The following FRYL variants were observed in gnomAD, a reference collection of about 807,000 sequenced individuals.
FRYL encodes FRY like transcription coactivator, also known as protein furry homolog-like.
A neutral mutation model predicts 351.2 loss-of-function variants in FRYL; 150 were observed. The observed-to-expected ratio is 0.43, with a 90% CI of 0.37 to 0.49. The LOEUF (loss-of-function observed/expected upper bound fraction) is 0.49, where lower values mean the gene tolerates loss of function less well. FRYL is among the 20% of genes least tolerant of loss of function. The pLI is 0.00. For synonymous variants in FRYL, 1,153 were observed against 1,257.1 expected, an observed-to-expected ratio of 0.92 and a Z score of 1.75; for missense variants, 3,036 against 3,619.3, an observed-to-expected ratio of 0.84 and a Z score of 4.13.
rs1718723482 is a variant in FRYL, at chr4:48,497,670, C to G, written c.*1752G>C. The G allele has an allele frequency of 6.6e-6, 1 of 152,532 alleles. No homozygotes were observed. The highest frequency in any genetic ancestry group is 1.5e-5 in the Non-Finnish European group (1 of 68,004). 9.4% of individuals were successfully genotyped at this position (152,532 alleles called of 1,614,324 possible). A position where few individuals can be genotyped will look rare whatever the true frequency, so the allele number is the denominator to read the frequency against. ...TAAAGTGTGATGTATCTCTGGACAC[C>G]ATCCCTCTCTGCCTGCCCCACACCC... is the stretch of plus-strand genomic sequence containing the variant. On this transcript the variant is annotated 3_prime_UTR_variant, in exon 64 of 64. Coordinates refer to ENST00000358350, the MANE Select transcript of FRYL (RefSeq NM_015030.2).
rs369196824 is a variant in FRYL, at chr4:48,659,305, C to T, written c.-80-24815G>A. On this transcript the variant is annotated intron_variant, in intron 3 of 63. Transcript: ENST00000358350. ...GGCGGAGGTTGCAGGGAGCCAAGAT[C>T]GCATCACGGCACTCCAGTCACTGGG... Among the ~76,000 whole-genome samples, 31 of 149,600 alleles carry T rather than the reference C, an allele frequency of 2.1e-4. 1 individual carries two copies. In the East Asian group the frequency reaches 5.2e-3, roughly 25 times the overall value.
chr4:48,776,050 AAAAAG>A (rs1775980085), intron 1 of FRYL, among the ~76,000 whole-genome samples: 1 of 151,590 alleles, frequency 6.6e-6, no homozygotes, highest in Admixed American at 6.6e-5. Context: ...GGTTAAAAAA[AAAAAG>A]AAAAAGAAAA....
chr4:48,591,977 G>A (rs1359361846), intron 16 of FRYL, among the ~76,000 whole-genome samples: 1 of 126,856 alleles, frequency 7.9e-6, no homozygotes, highest in Non-Finnish European at 1.7e-5. Context: ...CCAAGCCCAA[G>A]CTGTCATTAT....
intron 36 of FRYL, 52 bp from the exon 37 acceptor site, chr4:48,551,630 C>T (rs1732766679): frequency 1.9e-6 from 2 of 1,076,690 alleles, no homozygotes; most frequent in African/African-American, 1.6e-5. Flanking sequence ...TGGAATAACC[C>T]AATAAGAACA....
intron 1 of FRYL, among the ~76,000 whole-genome samples, chr4:48,777,614 T>C (rs1303704693): frequency 6.6e-6 from 1 of 152,246 alleles, no homozygotes; most frequent in Non-Finnish European, 1.5e-5. Context: ...AAAGTCTTTT[T>C]CAGGAAATAC....
At chr4:48,643,804 G>C (rs1375789882) in intron 3 of FRYL, among the ~76,000 whole-genome samples, 8 of 152,036 alleles carry the variant, frequency 5.3e-5, no homozygotes, top group Admixed American at 5.2e-4. Context: ...TTCATACAGA[G>C]GAAAGGACAA....
In FRYL at chr4:48,780,066, G is replaced by C. The variant is rs1776514179; in HGVS notation, c.-384+12C>G. 6.6e-6 allele frequency: 1 copy of C among 152,334 alleles called. No individual in the cohort carries two copies. Among genetic ancestry groups the C allele is most frequent in the Non-Finnish European group, 1.5e-5 (1 of 68,076 alleles). The allele number at this position is 152,334 out of a possible 1,614,324, so 9.4% of individuals were successfully genotyped here. A position where few individuals can be genotyped will look rare whatever the true frequency, so the allele number is the denominator to read the frequency against. ...AAGTAAAATGAAGCGCCTTTCCCCA[G>C]TCAACACCTACCCGTTCCCAGTCCT... On this transcript the variant is annotated intron_variant, in intron 1 of 63. Transcript: ENST00000358350.
At chr4:48,548,655 A>G in intron 40 of FRYL, 35 bp downstream of exon 40, 3 of 1,121,672 alleles carry the variant, frequency 2.7e-6, no homozygotes, top group Non-Finnish European at 4.0e-6. Flanking sequence ...TCATAAAAAT[A>G]TAACATGAAA....
chr4:48,678,856 T>C (rs1277740196), intron 3 of FRYL, among the ~76,000 whole-genome samples: 2 of 152,266 alleles, frequency 1.3e-5, no homozygotes, highest in East Asian at 3.9e-4. Context: ...ATCATTAGAT[T>C]GACTGCTTAT....
At chr4:48,739,631 T>C (rs185748491) in intron 1 of FRYL, among the ~76,000 whole-genome samples, 11 of 151,648 alleles carry the variant, frequency 7.3e-5, no homozygotes, top group African/African-American at 1.2e-4. Context: ...GAAGAAAACA[T>C]AGGAGCAACT....
chr4:48,743,772 G>A (rs751698485), intron 1 of FRYL, among the ~76,000 whole-genome samples: 1 of 152,182 alleles, frequency 6.6e-6, no homozygotes, highest in Non-Finnish European at 1.5e-5. Flanking sequence ...TCAGTTGAAG[G>A]CCCTGATGGA....
intron 47 of FRYL, among the ~76,000 whole-genome samples, chr4:48,536,378 A>T (rs1269724747): frequency 2.0e-5 from 3 of 152,182 alleles, no homozygotes; most frequent in African/African-American, 7.2e-5. Context: ...CCAATGGATG[A>T]CAGTCTGCAT....
At chr4:48,541,105 G>GT in intron 45 of FRYL, 145 bp from the exon 46 acceptor site, 2 of 748,622 alleles carry the variant, frequency 2.7e-6, no homozygotes. Context: ...TCAAATTTCA[G>GT]TTTTCCCTTC....
At position 48,521,082 on chromosome 4, in the gene FRYL, G is replaced by A; in HGVS notation, c.7655C>T (p.Ala2552Val). 1 of 1,613,202 alleles carries A rather than the reference G, an allele frequency of 6.2e-7. No homozygotes were observed. Among genetic ancestry groups the A allele is most frequent in the Non-Finnish European group, 8.5e-7 (1 of 1,179,554 alleles). The change falls in exon 55 of 64, where the codon GCT (alanine) becomes GTT (valine). Residue 2552 changes from alanine (A) to valine (V), a missense_variant. By Grantham distance (64) the Ala-to-Val change is moderately conservative. This residue lies in a region of FRYL where 1,987 missense variants were observed against 2,311.7 expected (regional missense o/e 0.86). Transcript: ENST00000358350. ...CCGGCTGTTAGCATTATCTAGAGAA[G>A]CCTCCAAAGTTGGGGTCTCATCCCT... is the stretch of plus-strand genomic sequence containing the variant. ...QIRDETPTLE[A>V]SLDNANSRLP...
chr4:48,763,158 G>C (rs7657698), intron 1 of FRYL, among the ~76,000 whole-genome samples: 5 of 148,078 alleles, frequency 3.4e-5, no homozygotes, highest in South Asian at 4.2e-4. Flanking sequence ...GAGAGATTTT[G>C]GATAAATTTA....
intron 13 of FRYL, among the ~76,000 whole-genome samples, chr4:48,599,185 T>C (rs1334394763): frequency 6.6e-6 from 1 of 152,182 alleles, no homozygotes; most frequent in African/African-American, 2.4e-5. Flanking sequence ...TAAGTATAGA[T>C]TGTTGAAAAA....
At chr4:48,619,700 C>T (rs1292775287) in intron 6 of FRYL, among the ~76,000 whole-genome samples, 1 of 152,006 alleles carries the variant, frequency 6.6e-6, no homozygotes, top group African/African-American at 2.4e-5. Flanking sequence ...AGGGATCTCC[C>T]TATATTGCCC....
At chr4:48,570,115 A>AT (rs1437310148) in intron 27 of FRYL, among the ~76,000 whole-genome samples, 10 of 150,984 alleles carry the variant, frequency 6.6e-5, no homozygotes, top group South Asian at 2.1e-4. Flanking sequence ...CACCTAGTCC[A>AT]TTTTTTTTTC....
rs1372078698 is a variant in FRYL at position 48,540,055 on chromosome 4, G to A, written c.6309C>T (p.Asn2103=). The A allele has an allele frequency of 1.2e-6, 2 of 1,612,114 alleles. No homozygotes were observed. Among genetic ancestry groups the A allele is most frequent in the South Asian group, 2.2e-5 (2 of 90,746 alleles). Residue 2103 remains asparagine, a synonymous_variant, in exon 47 of 64, where the codon AAC becomes AAT. Coordinates refer to ENST00000358350, the MANE Select transcript of FRYL (RefSeq NM_015030.2). ...TTAAGTGAGGCAATAAGCAAAGGAT[G>A]TTAAGAGGAAAGCCTATCAAAACAA... ...DPSQLSGFPL[N]ILCLLPHLIQ...
Sources: gnomAD v4.1 joint callset for allele counts (sites outside exome capture counted in the v4.1 genomes callset) on GRCh38, gnomAD v4.1.1 for gene constraint, gnomAD v4.1.1 regional missense constraint, MANE v1.5 for transcripts, NCBI Gene and HGNC (gene_info 2026-07-23, HGNC 2026-07-21) for gene names.